Variants in SUSD6 observed in about 807,000 individuals in gnomAD.
SUSD6 encodes the protein sushi domain containing 6.
In SUSD6, 16 loss-of-function variants were observed where a neutral mutation model predicts 28.4. That is an observed-to-expected ratio of 0.56 (90% CI 0.38 to 0.86). SUSD6 has a LOEUF of 0.86. Ranked by LOEUF, SUSD6 falls within the 40% of genes least tolerant of loss-of-function variation. The pLI is 0.00. For missense variants in SUSD6, 341 were observed against 384.2 expected (o/e 0.89, Z 0.94); for synonymous variants, 147 against 159.6 (o/e 0.92, Z 0.59).
Position 69,708,611 on chromosome 14 carries a change from T to C in SUSD6, c.459-66T>C, listed in dbSNP as rs116818759. 3,671 of 1,340,190 alleles carry C rather than the reference T, an allele frequency of 2.7e-3. 84 individuals are homozygous for C. The African/African-American group carries it at 0.048, about 18-fold the overall frequency. The allele number at this position is 1,340,190 out of a possible 1,614,324, so 83.0% of individuals were successfully genotyped here. A position where few individuals can be genotyped will look rare whatever the true frequency, so the allele number is the denominator to read the frequency against. The stretch of plus-strand genomic sequence containing the variant: ...AAAATGGTGGCGGCTGCTATTATTA[T>C]TATCATGCCTGTTTCTCTGTGTGTT... On this transcript the variant is annotated intron_variant, in intron 4 of 5. Transcript: ENST00000342745.
intron 1 of SUSD6, among the ~76,000 whole-genome samples, chr14:69,646,610 G>T (rs1486922743): frequency 6.6e-6 from 1 of 150,758 alleles, no homozygotes; most frequent in Non-Finnish European, 1.5e-5. Flanking sequence ...GACCAAACCT[G>T]CTTATTCACC....
chr14:69,653,357 G>A (rs1251651575), intron 1 of SUSD6, among the ~76,000 whole-genome samples: 2 of 152,190 alleles, frequency 1.3e-5, no homozygotes, highest in Non-Finnish European at 1.5e-5. Context: ...GAGGAAAGCC[G>A]GCTATTGGGG....
intron 2 of SUSD6, among the ~76,000 whole-genome samples, chr14:69,675,263 C>T (rs1383813882): frequency 6.6e-6 from 1 of 152,150 alleles, no homozygotes; most frequent in African/African-American, 2.4e-5. Flanking sequence ...GGAAGAGGGT[C>T]CCCATGAGAA....
chr14:69,644,163 G>A lies in SUSD6; in HGVS notation c.-80-14350G>A, dbSNP rs915803160. ...CTTCCTTTACCTCTCAAGGAATCTC[G>A]TACATGTAGGTGCCCAATGTATGTG... On this transcript the variant is annotated intron_variant, in intron 1 of 5. Transcript: ENST00000342745. Among the ~76,000 whole-genome samples the A allele has an allele frequency of 2.6e-5, 4 of 152,174 alleles. No homozygotes were observed. In the East Asian group the frequency reaches 5.8e-4, roughly 22 times the overall value.
intron 1 of SUSD6, among the ~76,000 whole-genome samples, chr14:69,625,913 G>A (rs929366529): frequency 6.6e-6 from 1 of 152,152 alleles, no homozygotes; most frequent in African/African-American, 2.4e-5. Context: ...CAACCTGGAT[G>A]GCCTGTGTGA....
chr14:69,621,050 C>T (rs1206492918), intron 1 of SUSD6, among the ~76,000 whole-genome samples: 2 of 152,162 alleles, frequency 1.3e-5, no homozygotes, highest in African/African-American at 2.4e-5. Context: ...TAAACGTACG[C>T]CCTCCCCCTA....
chr14:69,706,553 T>C (rs1448454286), intron 4 of SUSD6, among the ~76,000 whole-genome samples: 1 of 152,102 alleles, frequency 6.6e-6, no homozygotes, highest in Non-Finnish European at 1.5e-5. Context: ...ATGACTTCCC[T>C]GGGCTCAGGT....
intron 2 of SUSD6, among the ~76,000 whole-genome samples, chr14:69,697,241 G>A (rs1047757199): frequency 1.3e-5 from 2 of 152,140 alleles, no homozygotes; most frequent in African/African-American, 4.8e-5. Context: ...CACCATCTTG[G>A]TTTTGGTGGG....
intron 1 of SUSD6, among the ~76,000 whole-genome samples, chr14:69,653,747 CTTTTTTTT>C (rs3048700): frequency 1.1e-4 from 10 of 93,244 alleles, no homozygotes; most frequent in Non-Finnish European, 4.0e-5. Context: ...CCTAGTGAAA[CTTTTTTTT>C]TTTTTTTTTT....
chr14:69,708,861 C>G lies in SUSD6; in HGVS notation c.643C>G (p.Gln215Glu), dbSNP rs1306321809. ...CAGTGGGAGGAGCGTGCCAAGGGAG[C>G]AACAGCTGCCGGACCAAGGGGCCTG... ...GPSGRSVPRE[Q>E]QLPDQGACSS... The change falls in exon 5 of 6, where the codon CAA becomes GAA. Residue 215 changes from glutamine (Q) to glutamate (E), a missense_variant. Coordinates refer to ENST00000342745, the MANE Select transcript of SUSD6 (RefSeq NM_014734.4). The G allele has an allele frequency of 1.2e-6, 2 of 1,613,972 alleles. No homozygotes were observed. Among genetic ancestry groups the G allele is most frequent in the East Asian group, 4.5e-5 (2 of 44,884 alleles).
chr14:69,638,423 A>AGTGTGTGTGT (rs10637124), intron 1 of SUSD6, among the ~76,000 whole-genome samples: 3,656 of 139,168 alleles, frequency 0.026, 154 homozygotes, highest in Admixed American at 0.093. Context: ...TGGGGTGGGG[A>AGTGTGTGTGT]GTGTGTGTGT....
intron 2 of SUSD6, among the ~76,000 whole-genome samples, chr14:69,665,495 C>G (rs1885726822): frequency 6.6e-6 from 1 of 152,156 alleles, no homozygotes; most frequent in Non-Finnish European, 1.5e-5. Context: ...TCAAACGATC[C>G]ACCCGCCTTG....
intron 1 of SUSD6, among the ~76,000 whole-genome samples, chr14:69,616,745 T>G (rs2139588308): frequency 6.6e-6 from 1 of 152,272 alleles, no homozygotes; most frequent in East Asian, 1.9e-4. Flanking sequence ...GTGTATTCTG[T>G]TTTTTCCATC....
intron 1 of SUSD6, among the ~76,000 whole-genome samples, chr14:69,626,054 TG>T (rs1010386842): frequency 6.6e-6 from 1 of 152,146 alleles, no homozygotes; most frequent in Non-Finnish European, 1.5e-5. Flanking sequence ...CCAGTCTTGG[TG>T]GGAAATAGGT....
At chr14:69,627,391 A>G (rs1368660250) in intron 1 of SUSD6, among the ~76,000 whole-genome samples, 1 of 152,218 alleles carries the variant, frequency 6.6e-6, no homozygotes, top group Non-Finnish European at 1.5e-5. Flanking sequence ...GGATGCTGCT[A>G]CCTTTTAGGG....
chr14:69,630,764 A>G (rs1179851081), intron 1 of SUSD6, among the ~76,000 whole-genome samples: 3 of 152,212 alleles, frequency 2.0e-5, no homozygotes, highest in Admixed American at 6.5e-5. Context: ...TTAATATGCA[A>G]TGTATCCATC....
chr14:69,676,620 C>G (rs527593821), intron 2 of SUSD6, among the ~76,000 whole-genome samples: 1 of 152,194 alleles, frequency 6.6e-6, no homozygotes, highest in East Asian at 1.9e-4. Flanking sequence ...GTCTTGAACT[C>G]TTAGGCTCAA....
rs374250060 is a variant in SUSD6, at chr14:69,667,958, A to G, written c.121+9245A>G. Among the ~76,000 whole-genome samples the G allele has an allele frequency of 1.2e-4, 19 of 152,278 alleles. No individual in the cohort carries two copies. The East Asian group carries it at 3.5e-3, about 28-fold the overall frequency. ...GCCAGGCCAGTGATCATCCCAGTAGATCCAACACACGCATTGTGGGAAAGG... is the reference window on the plus strand; with the variant it reads ...GCCAGGCCAGTGATCATCCCAGTAGGTCCAACACACGCATTGTGGGAAAGG... On this transcript the variant is annotated intron_variant, in intron 2 of 5. Coordinates refer to ENST00000342745, the MANE Select transcript of SUSD6 (RefSeq NM_014734.4).
rs2139648658 is a variant in SUSD6, at chr14:69,708,921, C to T, written c.703C>T (p.Gln235Ter). 1 of 1,614,126 alleles carries T rather than the reference C, an allele frequency of 6.2e-7. No homozygotes were observed. The highest frequency in any genetic ancestry group is 1.1e-5 in the South Asian group (1 of 91,082). ...SAGGEDEAPG[Q>*]SGLCEAWGSR... is the part of the protein sequence containing the mutation. ...AGGTGGAGAAGATGAGGCCCCAGGCCAGTCTGGACTATGTGAAGCCTGGGG... is the reference window on the plus strand; with the variant it reads ...AGGTGGAGAAGATGAGGCCCCAGGCTAGTCTGGACTATGTGAAGCCTGGGG... The change falls in exon 5 of 6, where the codon CAG (glutamine) becomes TAG (stop). Residue 235 changes from glutamine (Q) to a stop codon, truncating the protein, a stop_gained. Transcript: ENST00000342745. LOFTEE classifies it high-confidence loss of function.
Sources: allele counts gnomAD v4.1 joint callset (sites outside exome capture counted in the v4.1 genomes callset), GRCh38; gene constraint gnomAD v4.1.1; transcripts MANE v1.5; gene names NCBI Gene and HGNC (gene_info 2026-07-23, HGNC 2026-07-21).